Variants in MDH1 observed in about 807,000 individuals in gnomAD.
MDH1 encodes the protein malate dehydrogenase 1, also known as malate dehydrogenase, cytoplasmic.
In MDH1, 15 loss-of-function variants were observed where a neutral mutation model predicts 38.7. The observed-to-expected ratio is 0.39, with a 90% CI of 0.26 to 0.60. The LOEUF is 0.60. Among genes scored for constraint, MDH1 ranks in the 20% least tolerant of loss-of-function variants. The pLI is 0.56. For missense variants in MDH1, 368 were observed against 405.2 expected, an observed-to-expected ratio of 0.91 and a Z score of 0.79; for synonymous variants, 144 against 143.6, an observed-to-expected ratio of 1.00 and a Z score of -0.02.
At chr2:63,594,313 A>C in intron 1 of MDH1, 175 bp from the exon 2 acceptor site, 3 of 718,530 alleles carry the variant, frequency 4.2e-6, no homozygotes, top group Non-Finnish European at 7.7e-6. Flanking sequence ...GTGAGAGTTA[A>C]ATAACACCAC....
chr2:63,598,694 G>T (rs1709362835), intron 4 of MDH1, among the ~76,000 whole-genome samples: 1 of 151,958 alleles, frequency 6.6e-6, no homozygotes, highest in Non-Finnish European at 1.5e-5. Context: ...TAGTATAAAT[G>T]AGTTTAATAG....
At chr2:63,599,379 G>T in intron 5 of MDH1, 87 bp downstream of exon 5, 12 of 1,406,218 alleles carry the variant, frequency 8.5e-6, no homozygotes, top group East Asian at 7.8e-5. Context: ...CTGAGTTTGT[G>T]CTTTTTTCTT....
intron 5 of MDH1, among the ~76,000 whole-genome samples, 172 bp from the exon 6 acceptor site, chr2:63,604,524 T>G (rs1709490932): frequency 6.6e-6 from 1 of 152,242 alleles, no homozygotes; most frequent in East Asian, 1.9e-4. Context: ...TAAGCTGTTG[T>G]AGGAAATTGC....
intron 5 of MDH1, among the ~76,000 whole-genome samples, chr2:63,603,879 A>G (rs1264954745): frequency 6.6e-6 from 1 of 152,098 alleles, no homozygotes; most frequent in East Asian, 1.9e-4. Context: ...CTGGTCTCGA[A>G]CTGTCAACCT....
intron 8 of MDH1, 40 bp from the exon 9 acceptor site, chr2:63,606,822 G>A: frequency 6.5e-7 from 1 of 1,543,504 alleles, no homozygotes; most frequent in Non-Finnish European, 8.8e-7. Flanking sequence ...TGAAAGATCA[G>A]TTCCAGTTTA....
Position 63,599,180 on chromosome 2 carries a change from T to C in MDH1, c.386T>C (p.Val129Ala). 6.2e-7 allele frequency: 1 copy of C among 1,613,670 alleles called. No individual in the cohort carries two copies. Among genetic ancestry groups the C allele is most frequent in the Non-Finnish European group, 8.5e-7 (1 of 1,179,668 alleles). Reference protein sequence around the residue: ...YAKKSVKVIVVGNPANTNCLT... With the variant: ...YAKKSVKVIVAGNPANTNCLT... The stretch of plus-strand genomic sequence containing the variant: ...TTCCATTCCTCCTAGGTTATTGTTG[T>C]GGGTAATCCAGCCAATACCAACTGC... Residue 129 changes from valine (V) to alanine (A), a missense_variant, in exon 5 of 9, where the codon GTG becomes GCG. By Grantham distance (64) the Val-to-Ala change is moderately conservative (BLOSUM62 0). Transcript: ENST00000233114.
rs1228272776 is a variant in MDH1 at position 63,599,333 on chromosome 2, T to C, written c.498+41T>C. On this transcript the variant is annotated intron_variant, in intron 5 of 8. Transcript: ENST00000233114. ...TTTAAATCTTGTGGTTGTTCAACTT[T>C]AAAACATTTTTCTCTCACTTTTAAA... The C allele has an allele frequency of 1.0e-5, 16 of 1,578,510 alleles. No homozygotes were observed. The East Asian group carries it at 3.7e-4, about 36-fold the overall frequency.
intron 4 of MDH1, among the ~76,000 whole-genome samples, chr2:63,598,404 C>T (rs1709358077): frequency 6.6e-6 from 1 of 152,188 alleles, no homozygotes; most frequent in Admixed American, 6.5e-5. Flanking sequence ...GCTGGGATTA[C>T]AGGTGTGAGC....
Position 63,605,934 on chromosome 2 carries a change from T to A in MDH1, c.790-5T>A. On this transcript the variant is annotated splice_region_variant and splice_polypyrimidine_tract_variant and intron_variant, in intron 7 of 8. Coordinates refer to ENST00000233114, the MANE Select transcript of MDH1 (RefSeq NM_005917.4). ...CATGAGTATGTGAAACATTGTTATTTTCAGGGAGAGTTTGTGTCCATGGGT... is the reference window on the plus strand; with the variant it reads ...CATGAGTATGTGAAACATTGTTATTATCAGGGAGAGTTTGTGTCCATGGGT... 6.2e-7 allele frequency: 1 copy of A among 1,612,130 alleles called. No homozygotes were observed. The highest frequency in any genetic ancestry group is 8.5e-7 in the Non-Finnish European group (1 of 1,178,160).
chr2:63,597,683 A>C (rs1709343811), intron 4 of MDH1, 109 bp downstream of exon 4: 1 of 973,326 alleles, frequency 1.0e-6, no homozygotes, highest in African/African-American at 1.7e-5. Context: ...AGTTCTGTAC[A>C]ATCATCAGTA....
At chr2:63,590,410 C>T (rs1293655086) in intron 1 of MDH1, 1 of 152,100 alleles carries the variant, frequency 6.6e-6, no homozygotes, top group East Asian at 1.9e-4. Flanking sequence ...TAGGGACCAC[C>T]GCAGTGAGGT....
intron 7 of MDH1, 80 bp downstream of exon 7, chr2:63,605,473 T>A: frequency 9.9e-7 from 1 of 1,007,872 alleles, no homozygotes; most frequent in Non-Finnish European, 1.5e-6. Context: ...AATATAGCCT[T>A]AGCAGTCAGT....
intron 1 of MDH1, chr2:63,593,551 T>A: frequency 2.1e-6 from 1 of 471,362 alleles, no homozygotes; most frequent in Non-Finnish European, 4.4e-6. Context: ...GACTCTCATC[T>A]GGAAGAAGGA....
rs368069270 is a variant in MDH1, at chr2:63,605,298, G to A, written c.694G>A (p.Ala232Thr). 9.9e-6 allele frequency: 16 copies of A among 1,613,612 alleles called. No individual in the cohort carries two copies. Among genetic ancestry groups the A allele is most frequent in the African/African-American group, 2.7e-5 (2 of 75,024 alleles). ...TTCCCAGACTGTGCAGCAGCGTGGC[G>A]CTGCTGTCATCAAGGCTCGAAAACT... ...EFVTTVQQRG[A>T]AVIKARKLSS... Residue 232 changes from alanine to threonine, a missense_variant, in exon 7 of 9, where the codon GCT becomes ACT. Physicochemically the swap from Ala to Thr is moderately conservative, Grantham distance 58. Coordinates refer to ENST00000233114, the MANE Select transcript of MDH1 (RefSeq NM_005917.4).
chr2:63,593,682 G>A (rs1454689770), intron 1 of MDH1: 3 of 471,306 alleles, frequency 6.4e-6, no homozygotes, highest in African/African-American at 6.0e-5. Context: ...TCGGGGAAAG[G>A]AATGGTTCAC....
At chr2:63,595,295 A>G (rs1286412371) in intron 2 of MDH1, 128 bp from the exon 3 acceptor site, 4 of 712,078 alleles carry the variant, frequency 5.6e-6, no homozygotes, top group African/African-American at 5.2e-5. Flanking sequence ...ACCTCCTAAA[A>G]TAATCATCAT....
chr2:63,589,572 T>TAAA (rs1709116863), intron 1 of MDH1, among the ~76,000 whole-genome samples: 1 of 152,248 alleles, frequency 6.6e-6, no homozygotes, highest in Non-Finnish European at 1.5e-5. Context: ...TTTCTCAAAA[T>TAAA]GTTATTTGGA....
intron 5 of MDH1, among the ~76,000 whole-genome samples, chr2:63,603,284 G>T (rs1709463512): frequency 6.6e-6 from 1 of 152,028 alleles, no homozygotes; most frequent in South Asian, 2.1e-4. Context: ...CGACATTTGA[G>T]TTGTTTCAGT....
chr2:63,596,796 A>G (rs955532536), intron 3 of MDH1, among the ~76,000 whole-genome samples: 6 of 152,216 alleles, frequency 3.9e-5, no homozygotes, highest in South Asian at 2.1e-4. Context: ...TGCTTATTGT[A>G]CTAGCACTGG....
Sources: gnomAD v4.1 joint callset for allele counts (sites outside exome capture counted in the v4.1 genomes callset) on GRCh38, gnomAD v4.1.1 for gene constraint, MANE v1.5 for transcripts, NCBI Gene and HGNC (gene_info 2026-07-23, HGNC 2026-07-21) for gene names.